The following BACH2 variants were observed in gnomAD, a reference collection of about 807,000 sequenced individuals.
The protein encoded by BACH2 is transcription regulator protein BACH2.
BACH2 carries 5 observed loss-of-function variants against 61.8 expected under a neutral mutation model. That is an observed-to-expected ratio of 0.08 (90% CI 0.04 to 0.17). The LOEUF (loss-of-function observed/expected upper bound fraction) is 0.17, where lower values mean the gene tolerates loss of function less well. Among genes scored for constraint, BACH2 ranks in the 10% least tolerant of loss-of-function variants. The pLI is 1.00. For missense variants in BACH2, 824 were observed against 1,091.1 expected, an observed-to-expected ratio of 0.76 and a Z score of 3.45; for synonymous variants, 446 against 440.1, an observed-to-expected ratio of 1.01 and a Z score of -0.17.
chr6:90,188,279 A>T (rs1768431111), intron 4 of BACH2, among the ~76,000 whole-genome samples: 1 of 152,210 alleles, frequency 6.6e-6, no homozygotes, highest in Non-Finnish European at 1.5e-5. Context: ...ACACACCATG[A>T]ATTTGTATAG....
intron 4 of BACH2, among the ~76,000 whole-genome samples, chr6:90,124,350 T>C (rs1014697168): frequency 6.6e-6 from 1 of 152,222 alleles, no homozygotes; most frequent in East Asian, 1.9e-4. Flanking sequence ...AGATTCACCA[T>C]CTCAGGAAAC....
At chr6:90,165,831 GT>G (rs1767592090) in intron 4 of BACH2, among the ~76,000 whole-genome samples, 1 of 152,120 alleles carries the variant, frequency 6.6e-6, no homozygotes, top group Non-Finnish European at 1.5e-5. Context: ...TTAATAAATG[GT>G]GCTGGGAAAA....
intron 5 of BACH2, among the ~76,000 whole-genome samples, chr6:90,059,102 A>G (rs1780537636): frequency 1.3e-5 from 2 of 152,250 alleles, no homozygotes; most frequent in African/African-American, 4.8e-5. Context: ...AGCAATGGCA[A>G]CAAAAGACAA....
chr6:89,987,190 T>C (rs1255444160), intron 6 of BACH2, among the ~76,000 whole-genome samples: 1 of 152,140 alleles, frequency 6.6e-6, no homozygotes. Context: ...TCAAATCCTG[T>C]ATCAGGATTA....
chr6:90,123,216 A>C (rs908833940), intron 4 of BACH2, among the ~76,000 whole-genome samples: 1 of 152,166 alleles, frequency 6.6e-6, no homozygotes, highest in African/African-American at 2.4e-5. Flanking sequence ...AGAGAAGAGA[A>C]GAAGACAGAA....
intron 4 of BACH2, among the ~76,000 whole-genome samples, chr6:90,175,913 GGA>G (rs1767969150): frequency 6.6e-6 from 1 of 151,750 alleles, no homozygotes; most frequent in Non-Finnish European, 1.5e-5. Context: ...AAGCAAGCAG[GGA>G]CCACCCAGAA....
At chr6:90,192,991 T>C (rs933643872) in intron 4 of BACH2, among the ~76,000 whole-genome samples, 11 of 152,230 alleles carry the variant, frequency 7.2e-5, no homozygotes, top group African/African-American at 2.4e-4. Flanking sequence ...GGGTGGCTCC[T>C]GTGTGTGCAT....
At chr6:90,002,018 C>T (rs1446810533) in intron 6 of BACH2, among the ~76,000 whole-genome samples, 3 of 152,210 alleles carry the variant, frequency 2.0e-5, no homozygotes, top group Non-Finnish European at 4.4e-5. Flanking sequence ...ACTGCTCCCC[C>T]AAAAGTGCTC....
intron 5 of BACH2, among the ~76,000 whole-genome samples, chr6:90,070,803 T>C (rs754823272): frequency 6.6e-6 from 1 of 152,220 alleles, no homozygotes; most frequent in Non-Finnish European, 1.5e-5. Flanking sequence ...GAATAACAAA[T>C]GTCTTTCAGA....
chr6:90,280,288 G>T (rs917526461), intron 1 of BACH2, among the ~76,000 whole-genome samples: 2 of 152,054 alleles, frequency 1.3e-5, no homozygotes, highest in Non-Finnish European at 2.9e-5. Context: ...TTTAAAGCAA[G>T]AATCTAATCC....
Position 89,932,339 on chromosome 6 carries a change from A to G in BACH2, c.*69T>C. The G allele has an allele frequency of 6.4e-7, 1 of 1,555,418 alleles. No individual in the cohort carries two copies. Reference sequence around the variant, plus strand: ...GGTTTCTTCGGGACAGCAGATGAACAGTGCCACAGGCTGACTGAAGAACGC... The same window carrying G: ...GGTTTCTTCGGGACAGCAGATGAACGGTGCCACAGGCTGACTGAAGAACGC... On this transcript the variant is annotated 3_prime_UTR_variant, in exon 9 of 9. Coordinates refer to ENST00000257749, the MANE Select transcript of BACH2 (RefSeq NM_021813.4).
intron 6 of BACH2, among the ~76,000 whole-genome samples, chr6:89,995,216 C>T (rs1470597066): frequency 6.6e-6 from 1 of 152,084 alleles, no homozygotes; most frequent in African/African-American, 2.4e-5. Flanking sequence ...AGAAGTTGTC[C>T]TGTAGAATTA....
rs140294258 is a variant in BACH2 at position 89,952,168 on chromosome 6, C to T, written c.244-306G>A. 83 of 356,042 alleles carry T rather than the reference C, an allele frequency of 2.3e-4. No individual in the cohort carries two copies. The East Asian group carries it at 3.6e-3, about 16-fold the overall frequency. The allele number at this position is 356,042 out of a possible 1,614,324, so 22.1% of individuals were successfully genotyped here. ...AATGAAATATCCTGGCAAAAATGCA[C>T]GGTGACAATGGGGAGCCTATTAATT... is the stretch of plus-strand genomic sequence containing the variant. On this transcript the variant is annotated intron_variant, in intron 6 of 8. Coordinates refer to ENST00000257749, the MANE Select transcript of BACH2 (RefSeq NM_021813.4).
chr6:89,982,840 T>C (rs527974785), intron 6 of BACH2, among the ~76,000 whole-genome samples: 1 of 152,302 alleles, frequency 6.6e-6, no homozygotes, highest in South Asian at 2.1e-4. Context: ...GAGCCCCTCA[T>C]TCCAAATTAC....
intron 5 of BACH2, among the ~76,000 whole-genome samples, chr6:90,041,094 T>C (rs1779511085): frequency 6.6e-6 from 1 of 152,202 alleles, no homozygotes; most frequent in African/African-American, 2.4e-5. Flanking sequence ...GCTAAGTACG[T>C]TCAGAACAAT....
At chr6:90,140,157 C>T (rs1194650490) in intron 4 of BACH2, among the ~76,000 whole-genome samples, 1 of 152,178 alleles carries the variant, frequency 6.6e-6, no homozygotes, top group East Asian at 1.9e-4. Context: ...TGCAGTCCAT[C>T]CCTTTAAGAC....
chr6:90,087,601 C>G (rs1278568312), intron 5 of BACH2, among the ~76,000 whole-genome samples: 1 of 152,140 alleles, frequency 6.6e-6, no homozygotes, highest in Non-Finnish European at 1.5e-5. Context: ...CGGGCCTGTT[C>G]GAAAGCTAAC....
rs114938562 is a variant in BACH2, at chr6:89,960,537, A to G, written c.244-8675T>C. On this transcript the variant is annotated intron_variant, in intron 6 of 8. Coordinates refer to ENST00000257749, the MANE Select transcript of BACH2 (RefSeq NM_021813.4). Reference sequence around the variant, plus strand: ...AAGTCTGGCCAATTGGATGCAGTACATCTTTTGGTATGCAGAAGGTGAATC... The same window carrying G: ...AAGTCTGGCCAATTGGATGCAGTACGTCTTTTGGTATGCAGAAGGTGAATC... Among the ~76,000 whole-genome samples the G allele has an allele frequency of 8.9e-3, 1,351 of 152,358 alleles. 19 individuals carry two copies. The highest frequency in any genetic ancestry group is 0.031 in the African/African-American group (1,274 of 41,582).
chr6:89,970,704 C>G (rs1357979495), intron 6 of BACH2, among the ~76,000 whole-genome samples: 7 of 152,168 alleles, frequency 4.6e-5, no homozygotes, highest in Admixed American at 4.6e-4. Flanking sequence ...TTCTGGCCCC[C>G]CCCAGATCTT....
Sources: allele counts gnomAD v4.1 joint callset (sites outside exome capture counted in the v4.1 genomes callset), GRCh38; gene constraint gnomAD v4.1.1; transcripts MANE v1.5; gene names NCBI Gene and HGNC (gene_info 2026-07-23, HGNC 2026-07-21).